TRHDE: variants seen among roughly 807,000 people sequenced by gnomAD.
TRHDE encodes thyrotropin-releasing hormone-degrading ectoenzyme.
In TRHDE, 72 loss-of-function variants were observed where a neutral mutation model predicts 125.7. The ratio of observed to expected loss-of-function variants is 0.57; its 90% CI spans 0.47 to 0.70. TRHDE has a LOEUF of 0.70. TRHDE is among the 30% of genes least tolerant of loss of function. The pLI is 0.00. For synonymous variants in TRHDE, 509 were observed against 509.1 expected, an observed-to-expected ratio of 1.00 and a Z score of 0.00; for missense variants, 1,110 against 1,327.1, an observed-to-expected ratio of 0.84 and a Z score of 2.54.
intron 2 of TRHDE, among the ~76,000 whole-genome samples, chr12:72,113,113 G>T (rs568766767): frequency 6.6e-6 from 1 of 152,202 alleles, no homozygotes; most frequent in Non-Finnish European, 1.5e-5. Context: ...GACCTCCCAG[G>T]CTCACGTGAT....
At chr12:72,380,985 G>T (rs1458323105) in intron 3 of TRHDE, among the ~76,000 whole-genome samples, 1 of 151,926 alleles carries the variant, frequency 6.6e-6, no homozygotes, top group Non-Finnish European at 1.5e-5. Context: ...GTTGTAAAGG[G>T]TCATTCTGTG....
intron 2 of TRHDE, among the ~76,000 whole-genome samples, chr12:72,292,577 A>T (rs1202286903): frequency 6.6e-6 from 1 of 152,118 alleles, no homozygotes; most frequent in African/African-American, 2.4e-5. Context: ...ATAGCATTAC[A>T]AGTAATGAGG....
At chr12:72,527,399 G>T (rs935254286) in intron 6 of TRHDE, among the ~76,000 whole-genome samples, 3 of 152,104 alleles carry the variant, frequency 2.0e-5, no homozygotes, top group Non-Finnish European at 4.4e-5. Flanking sequence ...GTCGCATAAA[G>T]AATTCGATTT....
intron 2 of TRHDE, among the ~76,000 whole-genome samples, chr12:72,178,730 A>G (rs1413798481): frequency 6.6e-6 from 1 of 152,106 alleles, no homozygotes; most frequent in Non-Finnish European, 1.5e-5. Flanking sequence ...TACTACTTCT[A>G]ATACATAAGA....
intron 6 of TRHDE, among the ~76,000 whole-genome samples, chr12:72,523,012 C>T (rs1868273876): frequency 6.6e-6 from 1 of 151,936 alleles, no homozygotes; most frequent in Non-Finnish European, 1.5e-5. Flanking sequence ...CTTGAGAAAA[C>T]ATTTTTATAG....
At chr12:72,374,698 G>A (rs1410231583) in intron 2 of TRHDE, among the ~76,000 whole-genome samples, 2 of 152,158 alleles carry the variant, frequency 1.3e-5, no homozygotes, top group Admixed American at 6.6e-5. Flanking sequence ...CTGTGCAAAT[G>A]CTGCTGACAG....
At chr12:72,581,022 A>G (rs1871200681) in intron 12 of TRHDE, among the ~76,000 whole-genome samples, 4 of 152,194 alleles carry the variant, frequency 2.6e-5, no homozygotes, top group Admixed American at 2.6e-4. Context: ...ATGGGAATAC[A>G]TTAAATGCTT....
intron 3 of TRHDE, among the ~76,000 whole-genome samples, chr12:72,456,094 A>G (rs988366860): frequency 1.5e-4 from 22 of 149,882 alleles, no homozygotes; most frequent in Non-Finnish European, 3.0e-4. Context: ...GTATATTTAT[A>G]TAATAGAAAT....
At chr12:72,112,680 T>A (rs1875345540) in intron 2 of TRHDE, among the ~76,000 whole-genome samples, 1 of 152,198 alleles carries the variant, frequency 6.6e-6, no homozygotes, top group Non-Finnish European at 1.5e-5. Context: ...TCGTAAGAAT[T>A]CAATGTAAGA....
chr12:72,640,800 A>C (rs1874025896), intron 15 of TRHDE, among the ~76,000 whole-genome samples: 1 of 152,202 alleles, frequency 6.6e-6, no homozygotes, highest in Non-Finnish European at 1.5e-5. Flanking sequence ...TTTAATTTTC[A>C]GTTAGAGTAG....
At chr12:72,538,694 C>T (rs1415851912) in intron 6 of TRHDE, among the ~76,000 whole-genome samples, 1 of 151,938 alleles carries the variant, frequency 6.6e-6, no homozygotes, top group Non-Finnish European at 1.5e-5. Flanking sequence ...ATTATATTCA[C>T]CTCACCAGCA....
intron 3 of TRHDE, among the ~76,000 whole-genome samples, chr12:72,435,190 C>A (rs993701824): frequency 6.6e-6 from 1 of 152,192 alleles, no homozygotes; most frequent in Non-Finnish European, 1.5e-5. Flanking sequence ...CTGCTGACTA[C>A]GAATTAAAAA....
chr12:72,652,267 T>A (rs1171014754), intron 15 of TRHDE, 55 bp from the exon 16 acceptor site: 1 of 1,283,986 alleles, frequency 7.8e-7, no homozygotes, highest in African/African-American at 1.5e-5. Flanking sequence ...TGTCTTTATT[T>A]TCAATACTGT....
intron 1 of TRHDE, among the ~76,000 whole-genome samples, chr12:72,276,645 C>A (rs1879497433): frequency 6.6e-6 from 1 of 152,156 alleles, no homozygotes; most frequent in Admixed American, 6.5e-5. Context: ...TTCCTGATTT[C>A]CATACTGTAA....
At chr12:72,150,522 A>G (rs982342068) in intron 2 of TRHDE, among the ~76,000 whole-genome samples, 3 of 148,274 alleles carry the variant, frequency 2.0e-5, no homozygotes, top group Non-Finnish European at 4.5e-5. Context: ...AACATTAGGT[A>G]TATCTCCTAA....
chr12:72,646,905 T>C (rs1874304690), intron 15 of TRHDE, among the ~76,000 whole-genome samples: 1 of 151,878 alleles, frequency 6.6e-6, no homozygotes, highest in African/African-American at 2.4e-5. Flanking sequence ...CTTTTAATAA[T>C]AAATAAAATA....
chr12:72,644,308 A>G (rs1367019446), intron 15 of TRHDE, among the ~76,000 whole-genome samples: 1 of 151,680 alleles, frequency 6.6e-6, no homozygotes, highest in Non-Finnish European at 1.5e-5. Flanking sequence ...AGGTTCATGC[A>G]TCGAGTATCT....
chr12:72,505,547 A>G lies in TRHDE; in HGVS notation c.1722+5912A>G, dbSNP rs180911738. Reference sequence around the variant, plus strand: ...GAAGAGAAGAACAGGGTTCAAAATAACTTCAATTTTAAAGGGGATCCTTTA... The same window carrying G: ...GAAGAGAAGAACAGGGTTCAAAATAGCTTCAATTTTAAAGGGGATCCTTTA... On this transcript the variant is annotated intron_variant, in intron 6 of 18. Transcript: ENST00000261180. Among the ~76,000 whole-genome samples, 21 of 152,248 alleles carry G rather than the reference A, an allele frequency of 1.4e-4. 1 individual carries two copies. The East Asian group carries it at 3.5e-3, about 25-fold the overall frequency.
intron 2 of TRHDE, among the ~76,000 whole-genome samples, chr12:72,296,380 T>G (rs1280351415): frequency 6.6e-6 from 1 of 152,240 alleles, no homozygotes; most frequent in African/African-American, 2.4e-5. Flanking sequence ...AGTTGGGTAC[T>G]GAGGAGCAAA....
Sources: allele counts gnomAD v4.1 joint callset (sites outside exome capture counted in the v4.1 genomes callset), GRCh38; gene constraint gnomAD v4.1.1; transcripts MANE v1.5; gene names NCBI Gene and HGNC (gene_info 2026-07-23, HGNC 2026-07-21).